Variants in RUNDC1 observed in about 807,000 individuals in gnomAD.
RUNDC1 encodes the protein RUN domain containing 1, also known as RUN domain-containing protein 1.
Under a neutral mutation model 49.3 loss-of-function variants are expected in RUNDC1, and 31 were observed. That is an observed-to-expected ratio of 0.63 (90% CI 0.47 to 0.85). The LOEUF (loss-of-function observed/expected upper bound fraction) is 0.85. RUNDC1 is among the 40% of genes least tolerant of loss of function. RUNDC1 has a pLI of 0.00. For missense variants in RUNDC1, 715 were observed against 806.7 expected (o/e 0.89, Z 1.38); for synonymous variants, 347 against 348.6 (o/e 1.00, Z 0.05).
intron 1 of RUNDC1, among the ~76,000 whole-genome samples, chr17:42,984,200 T>A (rs917074459): frequency 6.6e-6 from 1 of 151,838 alleles, no homozygotes; most frequent in Admixed American, 6.6e-5. Context: ...GGTCTCTGAC[T>A]CCTGGGCTCA....
At chr17:42,987,172 G>A (rs2050182115) in intron 1 of RUNDC1, 84 bp from the exon 2 acceptor site, 13 of 902,174 alleles carry the variant, frequency 1.4e-5, no homozygotes, top group Non-Finnish European at 2.3e-5. Context: ...TATTTTATTG[G>A]TCATTACTGG....
chr17:42,983,375 C>CTTTTTTTTTTT (rs1179147349), intron 1 of RUNDC1, among the ~76,000 whole-genome samples: 1 of 129,554 alleles, frequency 7.7e-6, no homozygotes, highest in African/African-American at 2.9e-5. Flanking sequence ...TTTCTTTTTC[C>CTTTTTTTTTTT]TTTTTTTTTT....
chr17:42,990,083 G>A (rs1283048206), intron 3 of RUNDC1, among the ~76,000 whole-genome samples: 2 of 152,196 alleles, frequency 1.3e-5, no homozygotes, highest in African/African-American at 4.8e-5. Context: ...CCTTGAGCAT[G>A]TTACTAACTC....
chr17:42,985,883 A>G (rs2050164658), intron 1 of RUNDC1, among the ~76,000 whole-genome samples: 1 of 152,180 alleles, frequency 6.6e-6, no homozygotes, highest in African/African-American at 2.4e-5. Flanking sequence ...AAAAGGAGTC[A>G]CTAGTCAGCA....
chr17:42,990,111 T>C (rs2050218874), intron 3 of RUNDC1, among the ~76,000 whole-genome samples: 1 of 152,230 alleles, frequency 6.6e-6, no homozygotes, highest in Non-Finnish European at 1.5e-5. Flanking sequence ...TCTCTTGTCA[T>C]CCATAAAATG....
In RUNDC1 at chr17:42,989,422, C is replaced by G. The variant is rs757868579; in HGVS notation, c.739C>G (p.Gln247Glu). ...ISSLSTEELR[Q>E]RVDAAVAQIV... is the part of the protein sequence containing the mutation. The stretch of plus-strand genomic sequence containing the variant: ...TTCCCTGTCCACTGAAGAGCTTCGT[C>G]AGCGTGTAGATGCAGCAGTGGCTCA... The change falls in exon 3 of 5, where the codon CAG becomes GAG. Residue 247 changes from glutamine to glutamate, a missense_variant. Physicochemically the swap from Gln to Glu is conservative, Grantham distance 29 (BLOSUM62 2). Coordinates refer to ENST00000361677, the MANE Select transcript of RUNDC1 (RefSeq NM_173079.5). The G allele has an allele frequency of 1.8e-5, 29 of 1,613,934 alleles. No homozygotes were observed. Among genetic ancestry groups the G allele is most frequent in the Non-Finnish European group, 2.2e-5 (26 of 1,179,998 alleles).
rs768154688 is a variant in RUNDC1 at position 42,991,252 on chromosome 17, C to T, written c.1378C>T (p.Leu460=). The change falls in exon 5 of 5, where the codon CTG becomes TTG. Residue 460 remains leucine, a synonymous_variant. Transcript: ENST00000361677. ...SLVMAPIACL[L]PAFSSAPEAM... Reference sequence around the variant, plus strand: ...TGTTATGGCTCCTATTGCTTGTTTGCTGCCAGCCTTCTCCTCGGCCCCAGA... The same window carrying T: ...TGTTATGGCTCCTATTGCTTGTTTGTTGCCAGCCTTCTCCTCGGCCCCAGA... The T allele has an allele frequency of 6.2e-7, 1 of 1,614,242 alleles. No homozygotes were observed. Among genetic ancestry groups the T allele is most frequent in the Non-Finnish European group, 8.5e-7 (1 of 1,180,048 alleles).
chr17:42,986,825 C>T (rs2050178670), intron 1 of RUNDC1, among the ~76,000 whole-genome samples: 1 of 152,154 alleles, frequency 6.6e-6, no homozygotes, highest in South Asian at 2.1e-4. Context: ...TAAAGCCTCT[C>T]TCCACACCCT....
rs2050288938 is a variant in RUNDC1 at position 42,995,051 on chromosome 17, C to T, written c.*3335C>T. ...TAAAGAAAGAGAAAAGTAAACCTAC[C>T]CCGTGCCCTCAACAAACACAGTCTA... On this transcript the variant is annotated 3_prime_UTR_variant, in exon 5 of 5. Coordinates refer to ENST00000361677, the MANE Select transcript of RUNDC1 (RefSeq NM_173079.5). 6.6e-6 allele frequency among the ~76,000 whole-genome samples: 1 copy of T among 152,150 alleles called. No individual in the cohort carries two copies. Among genetic ancestry groups the T allele is most frequent in the Non-Finnish European group, 1.5e-5 (1 of 68,034 alleles).
In RUNDC1 at chr17:42,993,279, G is replaced by A. The variant is rs491519; in HGVS notation, c.*1563G>A. 0.98 allele frequency: 149,473 copies of A among 152,340 alleles called. 73,396 individuals carry two copies. Among genetic ancestry groups the A allele is most frequent in the Middle Eastern group, 1 (294 of 294 alleles). 9.4% of individuals were successfully genotyped at this position (152,340 alleles called of 1,614,324 possible). A position where few individuals can be genotyped will look rare whatever the true frequency, so the allele number is the denominator to read the frequency against. ...ATTTGGTCTTCAGTGTTTTAGCCTC[G>A]TTAGTTCATATTTGGCATGCAGCTT... On this transcript the variant is annotated 3_prime_UTR_variant, in exon 5 of 5. Transcript: ENST00000361677.
In RUNDC1 at chr17:42,987,283, G is replaced by A; in HGVS notation, c.526G>A (p.Glu176Lys). The change falls in exon 2 of 5, where the codon GAA becomes AAA. Residue 176 changes from glutamate (E) to lysine (K), a missense_variant. Coordinates refer to ENST00000361677, the MANE Select transcript of RUNDC1 (RefSeq NM_173079.5). Reference protein sequence around the residue: ...QSEQEKQERLETQREKQKELI... With the variant: ...QSEQEKQERLKTQREKQKELI... The stretch of plus-strand genomic sequence containing the variant: ...TGAGCAGGAAAAGCAAGAGCGTCTG[G>A]AAACCCAAAGGGAGAAGCAGAAAGA... 1 of 1,614,046 alleles carries A rather than the reference G, an allele frequency of 6.2e-7. No individual in the cohort carries two copies. The highest frequency in any genetic ancestry group is 8.5e-7 in the Non-Finnish European group (1 of 1,179,984).
At position 42,985,794 on chromosome 17, in the gene RUNDC1, G is replaced by A. The variant is rs1420116495; in HGVS notation, c.499-1462G>A. 5 of 569,900 alleles carry A rather than the reference G, an allele frequency of 8.8e-6. No homozygotes were observed. The African/African-American group carries it at 1.0e-4, about 12-fold the overall frequency. 35.3% of individuals were successfully genotyped at this position (569,900 alleles called of 1,614,324 possible). A position where few individuals can be genotyped will look rare whatever the true frequency, so the allele number is the denominator to read the frequency against. On this transcript the variant is annotated intron_variant, in intron 1 of 4. Coordinates refer to ENST00000361677, the MANE Select transcript of RUNDC1 (RefSeq NM_173079.5). ...AAGACAAGGAAGAACCAGTGTTTGA[G>A]AATACGTTGACAAGACTTTACCACC... is the stretch of plus-strand genomic sequence containing the variant.
rs1292136662 is a variant in RUNDC1, at chr17:42,989,446, C to G, written c.763C>G (p.Gln255Glu). Residue 255 changes from glutamine (Q) to glutamate (E), a missense_variant, in exon 3 of 5, where the codon CAG becomes GAG. Coordinates refer to ENST00000361677, the MANE Select transcript of RUNDC1 (RefSeq NM_173079.5). The part of the protein sequence containing the change: ...LRQRVDAAVA[Q>E]IVNPARVKEQ... ...TCAGCGTGTAGATGCAGCAGTGGCT[C>G]AGATCGTCAACCCAGCCCGAGTCAA... 6 of 1,614,046 alleles carry G rather than the reference C, an allele frequency of 3.7e-6. No homozygotes were observed. The highest frequency in any genetic ancestry group is 5.1e-6 in the Non-Finnish European group (6 of 1,180,008).
At position 42,980,769 on chromosome 17, in the gene RUNDC1, C is replaced by A. The variant is rs1393880124; in HGVS notation, c.193C>A (p.Pro65Thr). The change falls in exon 1 of 5, where the codon CCT (proline) becomes ACT (threonine). Residue 65 changes from proline to threonine, a missense_variant. Around this residue, in one of 5 missense-constraint regions of RUNDC1, gnomAD observed 153 missense variants for 139.4 expected, o/e 1.10. Coordinates refer to ENST00000361677, the MANE Select transcript of RUNDC1 (RefSeq NM_173079.5). ...TTTAGAAGAGGCGACGGCCGAGGAG[C>A]CTGGCGCGGCCCCGGGCTCCCCGCC... ...AFLEEATAEEPGAAPGSPPDS... is the reference protein window; with the variant it reads ...AFLEEATAEETGAAPGSPPDS... 10 of 1,481,876 alleles carry A rather than the reference C, an allele frequency of 6.7e-6. No homozygotes were observed. Among genetic ancestry groups the A allele is most frequent in the Non-Finnish European group, 8.9e-6 (10 of 1,123,518 alleles). The allele number at this position is 1,481,876 out of a possible 1,614,324, so 91.8% of individuals were successfully genotyped here.
intron 1 of RUNDC1, among the ~76,000 whole-genome samples, chr17:42,987,017 A>G (rs1408004974): frequency 6.6e-6 from 1 of 152,200 alleles, no homozygotes; most frequent in African/African-American, 2.4e-5. Context: ...GCCTCATTGT[A>G]TTAATATCCT....
At position 42,994,578 on chromosome 17, in the gene RUNDC1, T is replaced by A. The variant is rs1343745047; in HGVS notation, c.*2862T>A. ...ACCACCCTCATTCCTCCCCTCACTTTGGGGAGGAGAAGGTATTTTCTACAC... is the reference window on the plus strand; with the variant it reads ...ACCACCCTCATTCCTCCCCTCACTTAGGGGAGGAGAAGGTATTTTCTACAC... On this transcript the variant is annotated 3_prime_UTR_variant, in exon 5 of 5. Transcript: ENST00000361677. Among the ~76,000 whole-genome samples, 1 of 152,098 alleles carries A rather than the reference T, an allele frequency of 6.6e-6. No individual in the cohort carries two copies. Among genetic ancestry groups the A allele is most frequent in the Non-Finnish European group, 1.5e-5 (1 of 68,006 alleles).
rs1313569613 is a variant in RUNDC1 at position 42,992,593 on chromosome 17, A to T, written c.*877A>T. 6.9e-6 allele frequency: 1 copy of T among 145,794 alleles called. No homozygotes were observed. The highest frequency in any genetic ancestry group is 2.0e-4 in the East Asian group (1 of 5,060). The allele number at this position is 145,794 out of a possible 1,614,324, so 9.0% of individuals were successfully genotyped here. ...CAAAAAAAAAAAAAAAAAAAAAAAG[A>T]CATTCAACTTGAGGCTCCTGTTAGT... On this transcript the variant is annotated 3_prime_UTR_variant, in exon 5 of 5. Transcript: ENST00000361677.
At position 42,989,388 on chromosome 17, in the gene RUNDC1, G is replaced by A; in HGVS notation, c.705G>A (p.Glu235=). Residue 235 remains glutamate (E), a synonymous_variant, in exon 3 of 5, where the codon GAG becomes GAA. Transcript: ENST00000361677. ...AGAAACTGGACATGAATCTGAATGA[G>A]GACATCAGTTCCCTGTCCACTGAAG... is the stretch of plus-strand genomic sequence containing the variant. ...LIKKLDMNLN[E]DISSLSTEEL... is the part of the protein sequence containing the mutation. 6.2e-7 allele frequency: 1 copy of A among 1,614,060 alleles called. No individual in the cohort carries two copies. The highest frequency in any genetic ancestry group is 8.5e-7 in the Non-Finnish European group (1 of 1,179,984).
intron 1 of RUNDC1, among the ~76,000 whole-genome samples, chr17:42,983,548 G>C (rs1486505245): frequency 6.6e-6 from 1 of 151,420 alleles, no homozygotes; most frequent in Non-Finnish European, 1.5e-5. Context: ...GCTAGTTTTT[G>C]TATTTGTAGA....
Sources: gnomAD v4.1 joint callset for allele counts (sites outside exome capture counted in the v4.1 genomes callset) on GRCh38, gnomAD v4.1.1 for gene constraint, gnomAD v4.1.1 regional missense constraint, MANE v1.5 for transcripts, NCBI Gene and HGNC (gene_info 2026-07-23, HGNC 2026-07-21) for gene names.